The following LARP1B variants were observed in gnomAD, a reference collection of about 807,000 sequenced individuals.
The protein encoded by LARP1B is La ribonucleoprotein 1B.
LARP1B carries 76 observed loss-of-function variants against 114.2 expected under a neutral mutation model. The ratio of observed to expected loss-of-function variants is 0.67; its 90% confidence interval spans 0.55 to 0.81. The LOEUF is 0.81. Ranked by LOEUF, LARP1B falls within the 30% of genes least tolerant of loss-of-function variation. LARP1B has a pLI of 0.00. For synonymous variants in LARP1B, 345 were observed against 348.0 expected (o/e 0.99, Z 0.10); for missense variants, 1,014 against 1,075.8 (o/e 0.94, Z 0.80).
intron 4 of LARP1B, among the ~76,000 whole-genome samples, chr4:128,079,548 T>C (rs1250869454): frequency 6.6e-6 from 1 of 151,962 alleles, no homozygotes; most frequent in Non-Finnish European, 1.5e-5. Flanking sequence ...TCTTTTTTTT[T>C]AATTTTTAAA....
rs528340004 is a variant in LARP1B, at chr4:128,100,412, A to G, written c.813+2082A>G. Among the ~76,000 whole-genome samples, 45 of 152,154 alleles carry G rather than the reference A, an allele frequency of 3.0e-4. 1 individual carries two copies. The South Asian group carries it at 5.8e-3, about 20-fold the overall frequency. On this transcript the variant is annotated intron_variant, in intron 8 of 19. Transcript: ENST00000326639. ...CTCAGCCTCCCAAGTAGCTGGTACTACAGGCGCACGCCACCAAGCCTATCT... is the reference window on the plus strand; with the variant it reads ...CTCAGCCTCCCAAGTAGCTGGTACTGCAGGCGCACGCCACCAAGCCTATCT...
intron 11 of LARP1B, among the ~76,000 whole-genome samples, chr4:128,157,510 T>C (rs1243548407): frequency 6.6e-6 from 1 of 152,004 alleles, no homozygotes; most frequent in Non-Finnish European, 1.5e-5. Context: ...TCCTAAAAAC[T>C]TCAAAGAAGA....
intron 1 of LARP1B, chr4:128,062,048 C>T (rs2149236240): frequency 2.0e-6 from 2 of 985,312 alleles, no homozygotes; most frequent in Non-Finnish European, 2.4e-6. Context: ...GCCGTTGCTG[C>T]GGGATCCGCC....
Position 128,200,532 on chromosome 4 carries a change from T to A in LARP1B, c.2176T>A (p.Leu726Met). The A allele has an allele frequency of 6.7e-7, 1 of 1,485,368 alleles. No individual in the cohort carries two copies. The highest frequency in any genetic ancestry group is 9.0e-7 in the Non-Finnish European group (1 of 1,116,676). The allele number at this position is 1,485,368 out of a possible 1,614,324, so 92.0% of individuals were successfully genotyped here. A position where few individuals can be genotyped will look rare whatever the true frequency, so the allele number is the denominator to read the frequency against. The change falls in exon 17 of 20, where the codon TTG (leucine) becomes ATG (methionine). Residue 726 changes from leucine to methionine, a missense_variant. Transcript: ENST00000326639. ...RRRCLSERKR[L>M]GIGQSQEMNT... Reference sequence around the variant, plus strand: ...TTAACTTTTTTCAGAGAGAAAACGCTTGGGAATTGGTCAGTCCCAAGAAAT... The same window carrying A: ...TTAACTTTTTTCAGAGAGAAAACGCATGGGAATTGGTCAGTCCCAAGAAAT...
At chr4:128,069,155 A>G in intron 1 of LARP1B, 4 of 1,109,950 alleles carry the variant, frequency 3.6e-6, no homozygotes, top group Non-Finnish European at 5.4e-6. Flanking sequence ...GCATCTTCCT[A>G]TGCTTGTGGA....
At chr4:128,176,092 C>T (rs1745753798) in intron 12 of LARP1B, among the ~76,000 whole-genome samples, 2 of 142,394 alleles carry the variant, frequency 1.4e-5, no homozygotes, top group African/African-American at 2.6e-5. Context: ...CTCTCTCTCT[C>T]GATATATATA....
intron 15 of LARP1B, among the ~76,000 whole-genome samples, chr4:128,194,564 T>C (rs1051669521): frequency 9.3e-5 from 14 of 150,586 alleles, no homozygotes; most frequent in African/African-American, 2.9e-4. Flanking sequence ...GCGCCTGTAG[T>C]CCCAGCTACT....
intron 7 of LARP1B, chr4:128,092,832 T>G: frequency 1.0e-6 from 1 of 985,442 alleles, no homozygotes; most frequent in Non-Finnish European, 1.2e-6. Context: ...GCTTGACATG[T>G]GGCTGTCAAC....
chr4:128,069,895 T>C (rs978961232), intron 1 of LARP1B, among the ~76,000 whole-genome samples: 5 of 152,196 alleles, frequency 3.3e-5, no homozygotes, highest in African/African-American at 1.2e-4. Context: ...TTCTCCTGTT[T>C]GGTTCCTAGA....
intron 11 of LARP1B, among the ~76,000 whole-genome samples, chr4:128,135,258 A>G (rs967466983): frequency 6.6e-6 from 1 of 152,214 alleles, no homozygotes; most frequent in Non-Finnish European, 1.5e-5. Flanking sequence ...ACCATTTAAA[A>G]AAACACACAG....
chr4:128,119,814 G>A (rs1166241977), intron 10 of LARP1B, among the ~76,000 whole-genome samples: 5 of 152,098 alleles, frequency 3.3e-5, no homozygotes, highest in Admixed American at 2.6e-4. Flanking sequence ...CTTGTTTTCA[G>A]TATTGATGTG....
chr4:128,194,033 T>C (rs1753166236), intron 15 of LARP1B, among the ~76,000 whole-genome samples: 1 of 152,194 alleles, frequency 6.6e-6, no homozygotes, highest in South Asian at 2.1e-4. Context: ...AAAGAAGTAT[T>C]CATTTCTGAT....
At chr4:128,114,787 A>C in intron 10 of LARP1B, 45 bp downstream of exon 10, 1 of 1,565,222 alleles carries the variant, frequency 6.4e-7, no homozygotes, top group Non-Finnish European at 8.8e-7. Context: ...CCCTGGGTGG[A>C]GTATAAGGTC....
rs529476263 is a variant in LARP1B at position 128,121,324 on chromosome 4, A to G, written c.1162-502A>G. Among the ~76,000 whole-genome samples, 6 of 150,978 alleles carry G rather than the reference A, an allele frequency of 4.0e-5. No homozygotes were observed. The East Asian group carries it at 1.2e-3, about 29-fold the overall frequency. On this transcript the variant is annotated intron_variant, in intron 10 of 19. Transcript: ENST00000326639. ...TATCTGTCTATCTATCTATCTATCT[A>G]TTTATTTTTTGAGACAGAGTTTCGC...
chr4:128,071,275 T>C (rs1044842087), intron 1 of LARP1B, among the ~76,000 whole-genome samples: 14 of 152,102 alleles, frequency 9.2e-5, no homozygotes, highest in African/African-American at 2.2e-4. Flanking sequence ...CTCGATCTCC[T>C]GACCTCGTGA....
At chr4:128,121,366 C>G (rs533724909) in intron 10 of LARP1B, among the ~76,000 whole-genome samples, 33 of 152,280 alleles carry the variant, frequency 2.2e-4, no homozygotes, top group Non-Finnish European at 4.1e-4. Context: ...CGCCCAGGCT[C>G]TAGCGCAATG....
At chr4:128,221,471 A>G (rs928312531) in intron 7 of LARP1B, among the ~76,000 whole-genome samples, 21 of 152,170 alleles carry the variant, frequency 1.4e-4, no homozygotes, top group African/African-American at 5.1e-4. Context: ...ATTGAGAAAT[A>G]CTTTGGTTAA....
Position 128,082,907 on chromosome 4 carries a change from C to T in LARP1B, c.358+602C>T, listed in dbSNP as rs201305990. Among the ~76,000 whole-genome samples the T allele has an allele frequency of 4.4e-3, 654 of 149,614 alleles. 2 individuals carry two copies. The highest frequency in any genetic ancestry group is 6.9e-3 in the Non-Finnish European group (467 of 67,626). The stretch of plus-strand genomic sequence containing the variant: ...CATAGGACAATAGTGGAGGGAAGGT[C>T]GGCAGATAAACAAGTGAACAAAGGT... On this transcript the variant is annotated intron_variant, in intron 5 of 19. Transcript: ENST00000326639.
intron 11 of LARP1B, among the ~76,000 whole-genome samples, chr4:128,141,026 G>C (rs778003693): frequency 6.6e-6 from 1 of 152,042 alleles, no homozygotes; most frequent in Non-Finnish European, 1.5e-5. Flanking sequence ...ATCTTGGCCA[G>C]GCTGGTCTTG....
Sources: allele counts gnomAD v4.1 joint callset (sites outside exome capture counted in the v4.1 genomes callset), GRCh38; gene constraint gnomAD v4.1.1; transcripts MANE v1.5; gene names NCBI Gene and HGNC (gene_info 2026-07-23, HGNC 2026-07-21).